PLCH1: variants seen among roughly 807,000 people sequenced by gnomAD.
The protein encoded by PLCH1 is phospholipase C eta 1.
PLCH1 carries 60 observed loss-of-function variants against 126.7 expected under a neutral mutation model. The observed-to-expected ratio is 0.47, with a 90% CI of 0.38 to 0.59. The LOEUF is 0.59. Among genes scored for constraint, PLCH1 ranks in the 20% least tolerant of loss-of-function variants. The pLI is 0.00. For missense variants in PLCH1, 1,723 were observed against 2,040.0 expected, an observed-to-expected ratio of 0.84 and a Z score of 2.99; for synonymous variants, 719 against 734.9, an observed-to-expected ratio of 0.98 and a Z score of 0.35.
chr3:155,631,488 C>G (rs763630792), intron 2 of PLCH1, among the ~76,000 whole-genome samples: 18 of 152,166 alleles, frequency 1.2e-4, no homozygotes, highest in Non-Finnish European at 2.2e-4. Context: ...CTACAACATT[C>G]AGTACAGGAA....
At chr3:155,636,727 C>G (rs1200138796) in intron 2 of PLCH1, among the ~76,000 whole-genome samples, 2 of 144,740 alleles carry the variant, frequency 1.4e-5, no homozygotes, top group Non-Finnish European at 3.0e-5. Context: ...GCTTGGGCAA[C>G]AAGAGTGAAA....
intron 10 of PLCH1, among the ~76,000 whole-genome samples, chr3:155,537,191 A>AC (rs1560128002): frequency 5.7e-5 from 1 of 17,488 alleles, no homozygotes; most frequent in African/African-American, 1.9e-4. Flanking sequence ...CACTACAAAA[A>AC]AAAAAAAAAC....
intron 21 of PLCH1, among the ~76,000 whole-genome samples, chr3:155,453,781 GATAATAA>G (rs1183858425): frequency 6.6e-6 from 1 of 150,776 alleles, no homozygotes; most frequent in Admixed American, 6.6e-5. Flanking sequence ...ATTAATTTCT[GATAATAA>G]ATTATAAATA....
intron 22 of PLCH1, among the ~76,000 whole-genome samples, 186 bp downstream of exon 22, chr3:155,485,170 G>A (rs954741678): frequency 6.6e-6 from 1 of 152,164 alleles, no homozygotes; most frequent in Non-Finnish European, 1.5e-5. Flanking sequence ...CTCTTGGTGA[G>A]GAGGAAATGG....
In PLCH1 at chr3:155,480,997, G is replaced by A. The variant is rs1162265911; in HGVS notation, c.5029C>T (p.Pro1677Ser). 1.9e-6 allele frequency: 3 copies of A among 1,591,642 alleles called. No individual in the cohort carries two copies. Among genetic ancestry groups the A allele is most frequent in the Admixed American group, 1.7e-5 (1 of 57,666 alleles). Residue 1677 changes from proline to serine, a missense_variant, in exon 23 of 23, where the codon CCA (proline) becomes TCA (serine). Physicochemically the swap from Pro to Ser is moderately conservative, Grantham distance 74. Coordinates refer to ENST00000460012, the MANE Select transcript of PLCH1 (RefSeq NM_014996.4). ...LQTEPSSDDK[P>S]EIYFLLRL ...AGTCTCAAAAGAAAATAAATTTCTG[G>A]TTTATCATCACTGCTTGGCTCAGTC...
intron 12 of PLCH1, among the ~76,000 whole-genome samples, chr3:155,510,959 T>A (rs1000773042): frequency 1.6e-5 from 2 of 122,600 alleles, no homozygotes; most frequent in South Asian, 2.9e-4. Context: ...GTTTTCCAAC[T>A]TGGTTCCATT....
At chr3:155,551,576 A>G (rs1303464218) in intron 9 of PLCH1, among the ~76,000 whole-genome samples, 1 of 150,556 alleles carries the variant, frequency 6.6e-6, no homozygotes, top group Non-Finnish European at 1.5e-5. Flanking sequence ...GCTTGTCAAT[A>G]TCTGAAGACA....
chr3:155,677,871 A>T (rs995561710), intron 2 of PLCH1, among the ~76,000 whole-genome samples: 3 of 152,240 alleles, frequency 2.0e-5, no homozygotes, highest in Non-Finnish European at 4.4e-5. Flanking sequence ...AAATAATCCA[A>T]GTATTTAATA....
intron 21 of PLCH1, among the ~76,000 whole-genome samples, chr3:155,454,422 G>C (rs980222242): frequency 2.0e-5 from 3 of 152,118 alleles, no homozygotes; most frequent in Non-Finnish European, 2.9e-5. Flanking sequence ...GGTCTAGGCT[G>C]CAGTGAGCCA....
intron 14 of PLCH1, among the ~76,000 whole-genome samples, chr3:155,500,012 G>A (rs1226557211): frequency 2.6e-5 from 4 of 152,046 alleles, no homozygotes; most frequent in African/African-American, 9.7e-5. Flanking sequence ...AGGCAAAAGT[G>A]TGTATATGTA....
intron 10 of PLCH1, among the ~76,000 whole-genome samples, chr3:155,528,349 T>A (rs1722243344): frequency 6.6e-6 from 1 of 152,202 alleles, no homozygotes; most frequent in Non-Finnish European, 1.5e-5. Flanking sequence ...AGAAAGCTCC[T>A]AAAAATCAGT....
intron 18 of PLCH1, 53 bp downstream of exon 18, chr3:155,492,676 A>C: frequency 1.4e-6 from 2 of 1,460,086 alleles, no homozygotes; most frequent in South Asian, 2.9e-5. Flanking sequence ...ATGTAAATGC[A>C]CTAAGATAAT....
intron 21 of PLCH1, among the ~76,000 whole-genome samples, chr3:155,462,209 G>A (rs558675751): frequency 6.6e-6 from 1 of 152,256 alleles, no homozygotes; most frequent in East Asian, 1.9e-4. Flanking sequence ...CTACCACAAT[G>A]GGGGCAGAGA....
chr3:155,548,435 T>C (rs1026818009), intron 10 of PLCH1, among the ~76,000 whole-genome samples: 1 of 152,228 alleles, frequency 6.6e-6, no homozygotes, highest in Admixed American at 6.5e-5. Context: ...TGATTCATCC[T>C]GATGCCATAA....
intron 2 of PLCH1, among the ~76,000 whole-genome samples, chr3:155,627,903 G>A (rs545730910): frequency 8.6e-5 from 13 of 151,622 alleles, no homozygotes; most frequent in African/African-American, 2.7e-4. Context: ...CAGTAGCTGG[G>A]ATTACAGGCA....
chr3:155,688,888 C>T (rs1368272549), intron 2 of PLCH1, among the ~76,000 whole-genome samples: 2 of 152,188 alleles, frequency 1.3e-5, no homozygotes, highest in Admixed American at 1.3e-4. Flanking sequence ...TAGAATAGAA[C>T]ATCAGGTAAA....
intron 2 of PLCH1, among the ~76,000 whole-genome samples, chr3:155,614,905 A>G (rs1735593467): frequency 6.6e-6 from 1 of 152,170 alleles, no homozygotes; most frequent in African/African-American, 2.4e-5. Context: ...ACCCAAAAGC[A>G]AATGCAATGA....
intron 1 of PLCH1, among the ~76,000 whole-genome samples, chr3:155,704,599 T>C (rs1175770636): frequency 6.6e-6 from 1 of 152,132 alleles, no homozygotes; most frequent in Non-Finnish European, 1.5e-5. Context: ...TAGTCCAAGA[T>C]CCAAACTAGT....
chr3:155,462,890 G>GT (rs1712780883), intron 21 of PLCH1, among the ~76,000 whole-genome samples: 2 of 152,214 alleles, frequency 1.3e-5, no homozygotes, highest in Non-Finnish European at 2.9e-5. Context: ...GAGGGATTGT[G>GT]TAACACAACC....
Sources: gnomAD v4.1 joint callset for allele counts (sites outside exome capture counted in the v4.1 genomes callset) on GRCh38, gnomAD v4.1.1 for gene constraint, MANE v1.5 for transcripts, NCBI Gene and HGNC (gene_info 2026-07-23, HGNC 2026-07-21) for gene names.